The following PCDH15 variants were observed in gnomAD, a reference collection of about 807,000 sequenced individuals.
PCDH15 encodes protocadherin-15.
PCDH15 carries 129 observed loss-of-function variants against 178.5 expected under a neutral mutation model. The ratio of observed to expected loss-of-function variants is 0.72; its 90% confidence interval spans 0.63 to 0.84. The LOEUF is 0.84. Ranked by LOEUF, PCDH15 falls within the 40% of genes least tolerant of loss-of-function variation. The probability of loss-of-function intolerance (pLI) is 0.00; values close to 1 mark genes in which losing one functional copy is unlikely to be tolerated. For synonymous variants in PCDH15, 800 were observed against 732.0 expected (o/e 1.09, Z -1.50); for missense variants, 2,230 against 2,099.9 (o/e 1.06, Z -1.21).
At chr10:54,799,179 T>G (rs1489113358) in intron 1 of PCDH15, among the ~76,000 whole-genome samples, 1 of 152,094 alleles carries the variant, frequency 6.6e-6, no homozygotes, top group Admixed American at 6.6e-5. Flanking sequence ...TGCCTTTAAT[T>G]TCAAACATAA....
At chr10:54,547,683 G>A (rs2086017513) in intron 2 of PCDH15, among the ~76,000 whole-genome samples, 2 of 151,962 alleles carry the variant, frequency 1.3e-5, no homozygotes, top group Admixed American at 1.3e-4. Flanking sequence ...TTCTTTATTG[G>A]AGAGATTACT....
chr10:55,066,179 C>T (rs558825033), intron 2 of PCDH15, among the ~76,000 whole-genome samples: 414 of 151,196 alleles, frequency 2.7e-3, no homozygotes, highest in African/African-American at 9.5e-3. Flanking sequence ...TTCTTAACAG[C>T]AGTTCTCTCT....
chr10:54,884,316 GA>G (rs1340772001), intron 3 of PCDH15, among the ~76,000 whole-genome samples: 1 of 69,046 alleles, frequency 1.4e-5, no homozygotes, highest in African/African-American at 6.3e-5. Context: ...ATTGCAAAGA[GA>G]GACACATTAA....
chr10:55,478,504 T>TA (rs1019314858), intron 2 of PCDH15, among the ~76,000 whole-genome samples: 7 of 151,288 alleles, frequency 4.6e-5, no homozygotes, highest in African/African-American at 1.7e-4. Context: ...TAAGCAGTTC[T>TA]AAAAAAAGAA....
At chr10:54,864,949 G>A (rs1170521722) in intron 3 of PCDH15, among the ~76,000 whole-genome samples, 1 of 152,110 alleles carries the variant, frequency 6.6e-6, no homozygotes, top group African/African-American at 2.4e-5. Flanking sequence ...ATTAAAGAAG[G>A]ATGTGAATAC....
At chr10:55,606,101 AACAG>A (rs1432878520) in intron 2 of PCDH15, among the ~76,000 whole-genome samples, 3 of 87,754 alleles carry the variant, frequency 3.4e-5, no homozygotes, top group Non-Finnish European at 2.2e-5. Flanking sequence ...ATACCCCAAC[AACAG>A]ACAAACAGAG....
chr10:54,813,534 G>T (rs1047565135), intron 3 of PCDH15, among the ~76,000 whole-genome samples: 2 of 152,134 alleles, frequency 1.3e-5, no homozygotes, highest in South Asian at 2.1e-4. Flanking sequence ...GCGGGGTGGG[G>T]GATCACTTTC....
chr10:54,069,088 T>C (rs1307906218), intron 17 of PCDH15, among the ~76,000 whole-genome samples: 1 of 152,196 alleles, frequency 6.6e-6, no homozygotes, highest in Non-Finnish European at 1.5e-5. Context: ...TGCCTTAGAA[T>C]TGAAAGCAGT....
At chr10:55,082,677 AAGAG>A (rs969536952) in intron 2 of PCDH15, among the ~76,000 whole-genome samples, 1 of 151,716 alleles carries the variant, frequency 6.6e-6, no homozygotes, top group African/African-American at 2.4e-5. Flanking sequence ...AAAAAGAAAA[AAGAG>A]AGAAGACTCA....
At chr10:54,893,422 A>G (rs1954497458) in intron 3 of PCDH15, among the ~76,000 whole-genome samples, 2 of 152,068 alleles carry the variant, frequency 1.3e-5, no homozygotes, top group Non-Finnish European at 2.9e-5. Context: ...AATATATTTA[A>G]TCTGTAAATT....
At chr10:54,136,584 T>G (rs1003067288) in intron 14 of PCDH15, among the ~76,000 whole-genome samples, 4 of 152,218 alleles carry the variant, frequency 2.6e-5, no homozygotes, top group African/African-American at 9.6e-5. Context: ...ACACTTATTA[T>G]ACTTTTTGTA....
chr10:54,587,664 C>T (rs2091590266), intron 2 of PCDH15, among the ~76,000 whole-genome samples: 3 of 152,138 alleles, frequency 2.0e-5, no homozygotes, highest in African/African-American at 7.2e-5. Flanking sequence ...TAAAACATTG[C>T]CCCCTTCATT....
At chr10:55,514,143 A>G (rs1195916285) in intron 2 of PCDH15, among the ~76,000 whole-genome samples, 1 of 152,162 alleles carries the variant, frequency 6.6e-6, no homozygotes, top group Non-Finnish European at 1.5e-5. Flanking sequence ...ATATAATAAA[A>G]CATTTTAATA....
At chr10:54,885,902 T>A (rs1461876335) in intron 3 of PCDH15, among the ~76,000 whole-genome samples, 6 of 152,062 alleles carry the variant, frequency 3.9e-5, no homozygotes, top group Non-Finnish European at 4.4e-5. Context: ...ATGCACCCAG[T>A]TACGCTTTCC....
chr10:54,134,391 A>G (rs73239997), intron 14 of PCDH15, among the ~76,000 whole-genome samples: 2,265 of 151,870 alleles, frequency 0.015, 123 homozygotes, highest in African/African-American at 0.053. Context: ...GCTTCAATTA[A>G]AAGACATGGT....
chr10:54,297,372 C>T (rs762090106), intron 8 of PCDH15, among the ~76,000 whole-genome samples: 16 of 152,024 alleles, frequency 1.1e-4, no homozygotes, highest in Admixed American at 2.0e-4. Context: ...AATGGCCACC[C>T]GAGGGAAGTA....
At chr10:55,028,264 C>A (rs561955700) in intron 2 of PCDH15, among the ~76,000 whole-genome samples, 1 of 151,902 alleles carries the variant, frequency 6.6e-6, no homozygotes, top group South Asian at 2.1e-4. Flanking sequence ...TGAACCAAAT[C>A]TTTGTGATTC....
chr10:55,307,607 TTTC>T (rs938928626), intron 1 of PCDH15, among the ~76,000 whole-genome samples: 1 of 149,460 alleles, frequency 6.7e-6, no homozygotes, highest in Non-Finnish European at 1.5e-5. Context: ...TCTAACTTAC[TTTC>T]TTCTTCTCTC....
chr10:54,340,488 C>T (rs1942025627), intron 6 of PCDH15, among the ~76,000 whole-genome samples: 1 of 152,152 alleles, frequency 6.6e-6, no homozygotes, highest in Non-Finnish European at 1.5e-5. Context: ...TTGTTAACAG[C>T]AGTGAATCCA....
Sources: allele counts gnomAD v4.1 joint callset (sites outside exome capture counted in the v4.1 genomes callset), GRCh38; gene constraint gnomAD v4.1.1; transcripts MANE v1.5; gene names NCBI Gene and HGNC (gene_info 2026-07-23, HGNC 2026-07-21).